The following MARCHF1 variants were observed in gnomAD, a reference collection of about 807,000 sequenced individuals.
MARCHF1 encodes the protein membrane associated ring-CH-type finger 1, also known as E3 ubiquitin-protein ligase MARCHF1.
Under a neutral mutation model 54.2 loss-of-function variants are expected in MARCHF1, and 40 were observed. The observed-to-expected ratio is 0.74, with a 90% CI of 0.57 to 0.96. MARCHF1 has a LOEUF of 0.96. Among genes scored for constraint, MARCHF1 ranks in the 40% least tolerant of loss-of-function variants. MARCHF1 has a pLI of 0.00. For missense variants in MARCHF1, 586 were observed against 656.5 expected (o/e 0.89, Z 1.17); for synonymous variants, 236 against 236.3 (o/e 1.00, Z 0.01).
intron 3 of MARCHF1, among the ~76,000 whole-genome samples, chr4:163,930,017 A>G (rs1433073495): frequency 7.4e-6 from 1 of 135,986 alleles, no homozygotes; most frequent in Non-Finnish European, 1.5e-5. Context: ...AATATATTAT[A>G]TATACTATAT....
intron 3 of MARCHF1, among the ~76,000 whole-genome samples, chr4:163,886,835 A>G (rs1750549527): frequency 6.6e-6 from 1 of 152,176 alleles, no homozygotes; most frequent in South Asian, 2.1e-4. Context: ...CACATTTTCT[A>G]AAGATGAAGA....
intron 5 of MARCHF1, among the ~76,000 whole-genome samples, chr4:163,661,138 T>C (rs1743330214): frequency 6.6e-6 from 1 of 151,962 alleles, no homozygotes; most frequent in Non-Finnish European, 1.5e-5. Context: ...CTCTTTCTTC[T>C]GTTCTCCAAA....
At chr4:163,686,106 A>T (rs1744261794) in intron 5 of MARCHF1, among the ~76,000 whole-genome samples, 1 of 152,210 alleles carries the variant, frequency 6.6e-6, no homozygotes, top group African/African-American at 2.4e-5. Context: ...TAAGTGCTTA[A>T]TAAATTATAT....
chr4:163,951,704 A>G (rs1259615602), intron 3 of MARCHF1, among the ~76,000 whole-genome samples: 1 of 152,184 alleles, frequency 6.6e-6, no homozygotes, highest in African/African-American at 2.4e-5. Flanking sequence ...CCTTCCTAGA[A>G]AGGTCTTGTG....
chr4:163,638,638 C>A (rs1164984320), intron 5 of MARCHF1, among the ~76,000 whole-genome samples: 1 of 151,966 alleles, frequency 6.6e-6, no homozygotes, highest in African/African-American at 2.4e-5. Context: ...AAAATAATTC[C>A]CCTTCTGAGT....
chr4:163,831,449 T>C (rs1404861186), intron 4 of MARCHF1, among the ~76,000 whole-genome samples: 1 of 152,000 alleles, frequency 6.6e-6, no homozygotes, highest in Non-Finnish European at 1.5e-5. Context: ...AAATTATCTG[T>C]GCACGATGGT....
chr4:163,630,267 A>C (rs2110988591), intron 5 of MARCHF1, among the ~76,000 whole-genome samples: 1 of 124,954 alleles, frequency 8.0e-6, no homozygotes, highest in African/African-American at 3.6e-5. Context: ...TAAAAAGAAA[A>C]AACTATTGAG....
At chr4:163,561,951 C>A (rs1205989289) in intron 8 of MARCHF1, among the ~76,000 whole-genome samples, 1 of 152,144 alleles carries the variant, frequency 6.6e-6, no homozygotes, top group Non-Finnish European at 1.5e-5. Flanking sequence ...CAAATGTCAA[C>A]CCTTTCTCAT....
At chr4:164,173,005 AAT>A (rs1730571177) in intron 1 of MARCHF1, among the ~76,000 whole-genome samples, 1 of 148,514 alleles carries the variant, frequency 6.7e-6, no homozygotes, top group South Asian at 2.1e-4. Flanking sequence ...AAGTCACTGT[AAT>A]AGTTACTTCA....
chr4:163,822,586 T>A (rs143430908), intron 4 of MARCHF1, among the ~76,000 whole-genome samples: 3 of 151,912 alleles, frequency 2.0e-5, no homozygotes. Context: ...AAACAAAAAA[T>A]TTATTTTAAA....
At chr4:164,154,783 T>A (rs1730033335) in intron 1 of MARCHF1, among the ~76,000 whole-genome samples, 1 of 152,214 alleles carries the variant, frequency 6.6e-6, no homozygotes, top group Non-Finnish European at 1.5e-5. Flanking sequence ...TCTGCCTTTT[T>A]GCAAGGGCAG....
At chr4:164,235,072 C>G (rs191844372) in intron 1 of MARCHF1, among the ~76,000 whole-genome samples, 1 of 152,082 alleles carries the variant, frequency 6.6e-6, no homozygotes, top group African/African-American at 2.4e-5. Context: ...TCCTCACACT[C>G]ATTAAAGAAG....
At chr4:163,715,340 G>A (rs1745225114) in intron 4 of MARCHF1, among the ~76,000 whole-genome samples, 1 of 152,118 alleles carries the variant, frequency 6.6e-6, no homozygotes, top group Non-Finnish European at 1.5e-5. Flanking sequence ...CCACCTCCAG[G>A]GTTCACGCCA....
At chr4:164,349,309 G>A (rs889378051) in intron 1 of MARCHF1, among the ~76,000 whole-genome samples, 15 of 123,336 alleles carry the variant, frequency 1.2e-4, no homozygotes, top group South Asian at 6.9e-4. Context: ...CTGGGTAGAA[G>A]TTAAATCTGA....
At chr4:163,825,037 TTGG>T (rs918396982) in intron 4 of MARCHF1, among the ~76,000 whole-genome samples, 38 of 151,988 alleles carry the variant, frequency 2.5e-4, no homozygotes, top group African/African-American at 8.9e-4. Flanking sequence ...TTTTACACTG[TTGG>T]TGGGACCGTA....
At chr4:163,573,439 T>C (rs1424833631) in intron 8 of MARCHF1, among the ~76,000 whole-genome samples, 1 of 149,586 alleles carries the variant, frequency 6.7e-6, no homozygotes, top group Admixed American at 6.7e-5. Flanking sequence ...ATTAGGTATA[T>C]CTCCCAGTGC....
intron 3 of MARCHF1, among the ~76,000 whole-genome samples, chr4:163,857,322 T>C (rs1398917632): frequency 3.9e-5 from 6 of 152,252 alleles, no homozygotes; most frequent in African/African-American, 1.4e-4. Context: ...AATTGAAATG[T>C]TGATTGCTGA....
chr4:164,229,319 G>T (rs1176332622), intron 1 of MARCHF1, among the ~76,000 whole-genome samples: 2 of 152,182 alleles, frequency 1.3e-5, no homozygotes, highest in Non-Finnish European at 2.9e-5. Flanking sequence ...TCCTTTGTGT[G>T]CTCTCTCTTT....
At chr4:163,962,065 C>A (rs1752354910) in intron 3 of MARCHF1, among the ~76,000 whole-genome samples, 1 of 151,916 alleles carries the variant, frequency 6.6e-6, no homozygotes, top group Non-Finnish European at 1.5e-5. Flanking sequence ...AAAAATAGAA[C>A]ATTTTAACAG....
Sources: allele counts gnomAD v4.1 joint callset (sites outside exome capture counted in the v4.1 genomes callset), GRCh38; gene constraint gnomAD v4.1.1; transcripts MANE v1.5; gene names NCBI Gene and HGNC (gene_info 2026-07-23, HGNC 2026-07-21).